NLGN4X: variants seen among roughly 807,000 people sequenced by gnomAD.
The protein encoded by NLGN4X is neuroligin 4 X-linked, also known as neuroligin-4, X-linked.
In NLGN4X, 3 loss-of-function variants were observed where a neutral mutation model predicts 40.3. That is an observed-to-expected ratio of 0.07 (90% CI 0.03 to 0.19). The LOEUF (loss-of-function observed/expected upper bound fraction) is 0.19, where lower values mean the gene tolerates loss of function less well. Among genes scored for constraint, NLGN4X ranks in the 10% least tolerant of loss-of-function variants. NLGN4X has a pLI of 1.00. For missense variants in NLGN4X, 382 were observed against 708.3 expected, an observed-to-expected ratio of 0.54 and a Z score of 5.23; for synonymous variants, 270 against 306.8, an observed-to-expected ratio of 0.88 and a Z score of 1.25.
At chrX:6,184,196 A>G (rs1921775816) in intron 1 of NLGN4X, among the ~76,000 whole-genome samples, 2 of 112,519 alleles carry the variant, frequency 1.8e-5, no homozygotes, top group South Asian at 7.3e-4. Flanking sequence ...TACCTTGATT[A>G]TCAATCTTCA....
chrX:6,030,898 T>A (rs770326040), intron 2 of NLGN4X, among the ~76,000 whole-genome samples: 2 of 112,227 alleles, frequency 1.8e-5, no homozygotes, highest in African/African-American at 6.5e-5. Flanking sequence ...TTTGGCCTCA[T>A]TTCTTTTACC....
At chrX:6,149,829 T>C (rs1390298753) in intron 2 of NLGN4X, among the ~76,000 whole-genome samples, 1 of 111,456 alleles carries the variant, frequency 9.0e-6, no homozygotes, top group Non-Finnish European at 1.9e-5. Context: ...ACTTAAACTA[T>C]CTGGCATTTA....
intron 3 of NLGN4X, among the ~76,000 whole-genome samples, chrX:5,997,278 T>C (rs1395696989): frequency 9.3e-6 from 1 of 107,235 alleles, no homozygotes; most frequent in Non-Finnish European, 1.9e-5. Context: ...TTATGTTTTA[T>C]ACATACATTT....
chrX:5,929,396 G>A (rs771903119), intron 3 of NLGN4X, among the ~76,000 whole-genome samples: 364 of 111,741 alleles, frequency 3.3e-3, no homozygotes, highest in Middle Eastern at 4.7e-3. Context: ...GAACCCAGGA[G>A]GTGGAGGTTG....
intron 1 of NLGN4X, among the ~76,000 whole-genome samples, chrX:6,154,802 T>C (rs1293459124): frequency 1.8e-5 from 2 of 111,897 alleles, no homozygotes; most frequent in Non-Finnish European, 3.8e-5. Context: ...GAATGGCATT[T>C]TGACTAATTT....
At chrX:6,071,202 TG>T (rs1463600524) in intron 2 of NLGN4X, among the ~76,000 whole-genome samples, 2 of 111,501 alleles carry the variant, frequency 1.8e-5, no homozygotes, top group Non-Finnish European at 3.8e-5. Context: ...TATGAAACAG[TG>T]TGTATTGCGG....
chrX:6,025,308 A>G (rs1405060343), intron 3 of NLGN4X, among the ~76,000 whole-genome samples: 1 of 112,020 alleles, frequency 8.9e-6, no homozygotes, highest in Non-Finnish European at 1.9e-5. Context: ...TGTGTAGCAC[A>G]GTTCTGATTA....
Position 6,151,067 on chromosome X carries a change from T to C in NLGN4X, c.400A>G (p.Thr134Ala), listed in dbSNP as rs774379413. The stretch of plus-strand genomic sequence containing the variant: ...TGATCTTGAACATAGGTCATCAAAG[T>C]ATCCAAATTGGCGGTAAACCAGATG... The part of the protein sequence containing the change: ...LPIWFTANLD[T>A]LMTYVQDQNE... The change falls in exon 2 of 6, where the codon ACT (threonine) becomes GCT (alanine). Residue 134 changes from threonine (T) to alanine (A), a missense_variant. Thr to Ala is a moderately conservative substitution (Grantham distance 58, BLOSUM62 0). Coordinates refer to ENST00000381095, the MANE Select transcript of NLGN4X (RefSeq NM_181332.3). 9 of 1,211,953 alleles carry C rather than the reference T, an allele frequency of 7.4e-6. No homozygotes were observed. In the South Asian group the frequency reaches 1.6e-4, roughly 21 times the overall value.
chrX:6,006,237 G>A (rs1253768145), intron 3 of NLGN4X, among the ~76,000 whole-genome samples: 1 of 110,811 alleles, frequency 9.0e-6, no homozygotes, highest in Non-Finnish European at 1.9e-5. Flanking sequence ...ATAATGATGA[G>A]AAAATAACTC....
At chrX:6,218,474 C>CCACACACA (rs371223344) in intron 1 of NLGN4X, among the ~76,000 whole-genome samples, 11 of 46,989 alleles carry the variant, frequency 2.3e-4, no homozygotes, top group East Asian at 2.0e-3. Context: ...GAGATTAAAC[C>CCACACACA]CACACACACA....
intron 3 of NLGN4X, among the ~76,000 whole-genome samples, chrX:5,952,909 A>G (rs1201999413): frequency 3.6e-5 from 4 of 112,106 alleles, no homozygotes; most frequent in Admixed American, 9.5e-5. Flanking sequence ...ATGAGCATCA[A>G]TGTAACTTTC....
intron 3 of NLGN4X, among the ~76,000 whole-genome samples, chrX:5,909,868 C>T (rs767351125): frequency 9.0e-6 from 1 of 111,198 alleles, no homozygotes; most frequent in South Asian, 3.8e-4. Flanking sequence ...ATATTAGTCA[C>T]ATACAAAAAA....
At chrX:6,001,139 A>T (rs2035960566) in intron 3 of NLGN4X, among the ~76,000 whole-genome samples, 1 of 111,620 alleles carries the variant, frequency 9.0e-6, no homozygotes, top group African/African-American at 3.3e-5. Flanking sequence ...TCATGAGGGT[A>T]ACCACCACAG....
At chrX:6,081,898 A>G (rs995461841) in intron 2 of NLGN4X, among the ~76,000 whole-genome samples, 1 of 112,304 alleles carries the variant, frequency 8.9e-6, no homozygotes, top group African/African-American at 3.2e-5. Flanking sequence ...TACAGTTGCG[A>G]TCAATAAAGA....
chrX:6,080,454 G>A (rs1369422520), intron 2 of NLGN4X, among the ~76,000 whole-genome samples: 1 of 111,641 alleles, frequency 9.0e-6, no homozygotes, highest in Non-Finnish European at 1.9e-5. Context: ...ATAGAGTTTG[G>A]GGGTCCCCTG....
At chrX:5,907,681 G>A (rs909001014) in intron 4 of NLGN4X, among the ~76,000 whole-genome samples, 2 of 110,312 alleles carry the variant, frequency 1.8e-5, no homozygotes, top group Non-Finnish European at 3.8e-5. Context: ...AGGGTTTGGA[G>A]CTCCCACGGG....
chrX:6,143,147 G>A (rs1479300618), intron 2 of NLGN4X, among the ~76,000 whole-genome samples: 2 of 112,173 alleles, frequency 1.8e-5, no homozygotes, highest in South Asian at 3.7e-4. Flanking sequence ...GTGCTTGTAC[G>A]TGCTGGCTAC....
chrX:5,902,374 G>T (rs2031919301), intron 5 of NLGN4X, among the ~76,000 whole-genome samples: 1 of 111,074 alleles, frequency 9.0e-6, no homozygotes, highest in South Asian at 3.9e-4. Flanking sequence ...ATCCATGTAA[G>T]GGCATGGTGG....
chrX:6,092,486 C>G (rs1424872533), intron 2 of NLGN4X, among the ~76,000 whole-genome samples: 1 of 112,194 alleles, frequency 8.9e-6, no homozygotes, highest in East Asian at 2.8e-4. Context: ...GGAAAGCGAA[C>G]CTACCTGCCT....
Sources: gnomAD v4.1 joint callset for allele counts (sites outside exome capture counted in the v4.1 genomes callset) on GRCh38, gnomAD v4.1.1 for gene constraint, MANE v1.5 for transcripts, NCBI Gene and HGNC (gene_info 2026-07-23, HGNC 2026-07-21) for gene names.